Variants in IGSF11 observed in about 807,000 individuals in gnomAD.
IGSF11 encodes CXADR like 1.
In IGSF11, 22 loss-of-function variants were observed where a neutral mutation model predicts 41.0. That is an observed-to-expected ratio of 0.54 (90% CI 0.38 to 0.77). IGSF11 has a LOEUF of 0.77. Ranked by LOEUF, IGSF11 falls within the 30% of genes least tolerant of loss-of-function variation. The probability of loss-of-function intolerance (pLI) is 0.00; values close to 1 mark genes in which losing one functional copy is unlikely to be tolerated. For synonymous variants in IGSF11, 219 were observed against 201.3 expected (o/e 1.09, Z -0.74); for missense variants, 444 against 530.8 (o/e 0.84, Z 1.61).
At chr3:119,076,349 G>A (rs1359437356) in intron 1 of IGSF11, among the ~76,000 whole-genome samples, 2 of 152,144 alleles carry the variant, frequency 1.3e-5, no homozygotes, top group African/African-American at 4.8e-5. Context: ...ACATAGGCAT[G>A]GGCAAGGACT....
intron 1 of IGSF11, among the ~76,000 whole-genome samples, chr3:119,024,370 T>A (rs1576673455): frequency 6.6e-6 from 1 of 152,184 alleles, no homozygotes; most frequent in East Asian, 1.9e-4. Context: ...TATCGGTAGG[T>A]TGTTTCAGGA....
intron 4 of IGSF11, among the ~76,000 whole-genome samples, chr3:118,916,578 C>A (rs1017108362): frequency 6.6e-6 from 1 of 150,610 alleles, no homozygotes; most frequent in Non-Finnish European, 1.5e-5. Flanking sequence ...ATATATGCAC[C>A]CAATACAGGA....
At chr3:119,132,640 A>G (rs2077501495) in intron 1 of IGSF11, among the ~76,000 whole-genome samples, 1 of 152,158 alleles carries the variant, frequency 6.6e-6, no homozygotes, top group Non-Finnish European at 1.5e-5. Context: ...TTAACATCCC[A>G]CTGTCAATAG....
chr3:118,912,439 C>T (rs963460733), intron 4 of IGSF11, among the ~76,000 whole-genome samples: 3 of 152,164 alleles, frequency 2.0e-5, no homozygotes, highest in African/African-American at 7.2e-5. Context: ...TCAATTGCTG[C>T]AGGACAAATC....
chr3:118,908,901 T>C (rs1939927869), intron 4 of IGSF11, among the ~76,000 whole-genome samples: 1 of 152,222 alleles, frequency 6.6e-6, no homozygotes, highest in Admixed American at 6.5e-5. Flanking sequence ...ACTGGTCATA[T>C]GGTCTTGAGT....
chr3:119,102,988 AC>A lies in IGSF11; in HGVS notation c.49+2155del, dbSNP rs555716814. On this transcript the variant is annotated intron_variant, in intron 1 of 6. Transcript: ENST00000354673. ...TGTTTTGTTTTATATTTTAATTCAT[AC>A]TTGGCCAATTTTTTTTTTTTTTTTT... is the stretch of plus-strand genomic sequence containing the variant. 1.6e-3 allele frequency among the ~76,000 whole-genome samples: 222 copies of A among 136,334 alleles called. 1 individual carries two copies. Among genetic ancestry groups the A allele is most frequent in the African/African-American group, 5.5e-3 (212 of 38,568 alleles). 89.4% of individuals were successfully genotyped at this position (136,334 alleles called of 152,430 possible).
chr3:118,916,130 C>A (rs1304037055), intron 4 of IGSF11, among the ~76,000 whole-genome samples: 1 of 150,354 alleles, frequency 6.7e-6, no homozygotes, highest in Admixed American at 6.6e-5. Context: ...AAGGAACAAC[C>A]GGTAGCAGCC....
intron 1 of IGSF11, among the ~76,000 whole-genome samples, chr3:119,081,872 C>T (rs1576775935): frequency 1.3e-5 from 2 of 152,202 alleles, no homozygotes; most frequent in South Asian, 2.1e-4. Flanking sequence ...TCCTTTGGTA[C>T]AAGAAACACT....
At chr3:119,136,953 A>G (rs1265084373) in intron 1 of IGSF11, among the ~76,000 whole-genome samples, 1 of 152,210 alleles carries the variant, frequency 6.6e-6, no homozygotes, top group Non-Finnish European at 1.5e-5. Context: ...AATCTGAAAA[A>G]GAAATCAAGA....
At chr3:119,070,045 G>A (rs560718110) in intron 1 of IGSF11, among the ~76,000 whole-genome samples, 25 of 152,284 alleles carry the variant, frequency 1.6e-4, no homozygotes, top group African/African-American at 5.5e-4. Flanking sequence ...CGTTTAAAAG[G>A]AGGAAACTGA....
chr3:118,909,927 T>A (rs755318518), intron 4 of IGSF11, among the ~76,000 whole-genome samples: 2 of 152,214 alleles, frequency 1.3e-5, no homozygotes, highest in Non-Finnish European at 2.9e-5. Context: ...TGAACATTAC[T>A]CAGCATTATT....
rs997069102 is a variant in IGSF11 at position 118,911,909 on chromosome 3, G to A, written c.581-6191C>T. Among the ~76,000 whole-genome samples the A allele has an allele frequency of 3.2e-5, 4 of 123,618 alleles. No homozygotes were observed. The South Asian group carries it at 1.0e-3, about 31-fold the overall frequency. The allele number at this position is 123,618 out of a possible 152,430, so 81.1% of individuals were successfully genotyped here. On this transcript the variant is annotated intron_variant, in intron 4 of 6. Transcript: ENST00000393775. ...ATATTTAAGATACTCTCCTGCTATA[G>A]CTATGATCTCTAAAGATCTACACAG...
At chr3:119,082,601 A>G (rs1217345394) in intron 1 of IGSF11, among the ~76,000 whole-genome samples, 2 of 152,224 alleles carry the variant, frequency 1.3e-5, no homozygotes, top group Admixed American at 1.3e-4. Flanking sequence ...AATTATGACA[A>G]AGTTCAATAT....
At chr3:118,914,284 T>C (rs911181934) in intron 4 of IGSF11, among the ~76,000 whole-genome samples, 25 of 152,306 alleles carry the variant, frequency 1.6e-4, no homozygotes, top group African/African-American at 6.0e-4. Context: ...AGCTCCGGTC[T>C]ACAGCTCCCA....
chr3:119,145,901 C>T, exon 1 of IGSF11: 1 of 369,640 alleles, frequency 2.7e-6, no homozygotes, highest in Admixed American at 4.4e-5. Flanking sequence ...CACGGAGCCC[C>T]GTGGCCTGGT....
At chr3:119,018,545 G>A (rs1938973553) in intron 1 of IGSF11, among the ~76,000 whole-genome samples, 1 of 152,106 alleles carries the variant, frequency 6.6e-6, no homozygotes, top group Non-Finnish European at 1.5e-5. Context: ...TACATATTAT[G>A]TTTACCTATT....
chr3:118,988,944 A>G (rs531100147), intron 1 of IGSF11, among the ~76,000 whole-genome samples: 2 of 152,204 alleles, frequency 1.3e-5, no homozygotes, highest in Non-Finnish European at 2.9e-5. Context: ...GACTTTCACT[A>G]TGACATCATG....
intron 1 of IGSF11, among the ~76,000 whole-genome samples, chr3:118,996,764 T>C (rs1189526027): frequency 6.6e-6 from 1 of 152,036 alleles, no homozygotes; most frequent in Non-Finnish European, 1.5e-5. Context: ...AATGCCTGGC[T>C]AATTTTTTGT....
intron 1 of IGSF11, among the ~76,000 whole-genome samples, chr3:119,024,967 T>C (rs1490201790): frequency 6.6e-6 from 1 of 152,054 alleles, no homozygotes; most frequent in Admixed American, 6.6e-5. Flanking sequence ...AGAGAAAAAA[T>C]AGGTATGTAC....
Sources: allele counts gnomAD v4.1 joint callset (sites outside exome capture counted in the v4.1 genomes callset), GRCh38; gene constraint gnomAD v4.1.1; transcripts MANE v1.5; gene names NCBI Gene and HGNC (gene_info 2026-07-23, HGNC 2026-07-21).